CCDC171: variants seen among roughly 807,000 people sequenced by gnomAD.
CCDC171 encodes the protein coiled-coil domain-containing protein 171.
In CCDC171, 177 loss-of-function variants were observed where a neutral mutation model predicts 168.2. The observed-to-expected ratio is 1.05, with a 90% CI of 0.93 to 1.19. The LOEUF is 1.19. Among genes scored for constraint, CCDC171 ranks in the 50% most tolerant of loss-of-function variants. The pLI is 0.00. For synonymous variants in CCDC171, 687 were observed against 540.8 expected, an observed-to-expected ratio of 1.27 and a Z score of -3.75; for missense variants, 1,991 against 1,539.0, an observed-to-expected ratio of 1.29 and a Z score of -4.91.
chr9:16,093,582 A>G, the CCDC171 span, among the ~76,000 whole-genome samples: 1 of 152,248 alleles, frequency 6.6e-6, no homozygotes, highest in Middle Eastern at 3.2e-3. Flanking sequence ...TAATTTAAGA[A>G]GAAGTGCATT....
intron 10 of CCDC171, among the ~76,000 whole-genome samples, chr9:15,693,470 G>T (rs572997910): frequency 8.9e-6 from 1 of 112,914 alleles, no homozygotes; most frequent in African/African-American, 3.1e-5. Flanking sequence ...ACACTGGTGA[G>T]GACAAAAAAA....
At chr9:15,656,955 C>G (rs2047984896) in intron 7 of CCDC171, among the ~76,000 whole-genome samples, 172 bp from the exon 8 acceptor site, 1 of 151,760 alleles carries the variant, frequency 6.6e-6, no homozygotes, top group African/African-American at 2.4e-5. Flanking sequence ...AAAGCAGGCT[C>G]TGGAAGCATT....
At chr9:16,028,004 C>T (rs1833305874) in intron 6 of CCDC171, among the ~76,000 whole-genome samples, 1 of 152,096 alleles carries the variant, frequency 6.6e-6, no homozygotes, top group African/African-American at 2.4e-5. Context: ...GTATACTTAG[C>T]TTATCCCTTC....
chr9:16,065,361 G>A (rs1317413607), downstream of CCDC171, among the ~76,000 whole-genome samples: 1 of 152,056 alleles, frequency 6.6e-6, no homozygotes, highest in Non-Finnish European at 1.5e-5. Flanking sequence ...GGAAAAGCTT[G>A]TGGGCCAGCA....
chr9:15,572,794 T>C (rs1276946053), intron 3 of CCDC171, among the ~76,000 whole-genome samples: 1 of 152,198 alleles, frequency 6.6e-6, no homozygotes, highest in Non-Finnish European at 1.5e-5. Flanking sequence ...AAAACAGTGA[T>C]CACACTTTGT....
chr9:15,679,027 T>C, intron 10 of CCDC171, 131 bp downstream of exon 10: 1 of 625,368 alleles, frequency 1.6e-6, no homozygotes, highest in Non-Finnish European at 2.6e-6. Flanking sequence ...GATAACAAAA[T>C]TTCCAAAACT....
chr9:15,926,237 T>C (rs1396910076), intron 25 of CCDC171, among the ~76,000 whole-genome samples: 2 of 151,888 alleles, frequency 1.3e-5, no homozygotes, highest in Non-Finnish European at 1.5e-5. Context: ...ACTTGGGTCT[T>C]ATGGATAGTA....
chr9:15,581,511 C>T (rs1019993878), intron 4 of CCDC171, among the ~76,000 whole-genome samples: 55 of 152,116 alleles, frequency 3.6e-4, no homozygotes, highest in East Asian at 2.1e-3. Flanking sequence ...GGAGGTATCA[C>T]GCTACCTGAC....
intron 23 of CCDC171, among the ~76,000 whole-genome samples, chr9:15,872,012 C>T (rs931175679): frequency 1.3e-5 from 2 of 151,838 alleles, no homozygotes; most frequent in African/African-American, 4.8e-5. Flanking sequence ...TCAAAGTTCT[C>T]GTTTAATTTA....
chr9:15,946,182 G>A (rs1424473553), intron 25 of CCDC171, among the ~76,000 whole-genome samples: 3 of 151,868 alleles, frequency 2.0e-5, no homozygotes, highest in Admixed American at 6.6e-5. Context: ...TCAAAGATCA[G>A]ATAGTTGTAG....
chr9:16,051,940 A>G (rs1833757015), intron 1 of CCDC171, among the ~76,000 whole-genome samples: 1 of 152,218 alleles, frequency 6.6e-6, no homozygotes, highest in African/African-American at 2.4e-5. Context: ...ACACAGTGGC[A>G]GGCAAGAGAG....
intron 4 of CCDC171, among the ~76,000 whole-genome samples, chr9:15,583,305 C>G (rs141957214): frequency 0.013 from 1,996 of 150,670 alleles, 25 homozygotes; most frequent in Non-Finnish European, 0.02. Flanking sequence ...GTCCCAGCTA[C>G]TTGGGAGGCT....
chr9:15,971,879 T>G lies in CCDC171; in HGVS notation c.*43T>G. ...ATGGAGGAAGAGTTAACAGTACAAT[T>G]AAAATTGTTTTGAATGGGAATTTTC... On this transcript the variant is annotated 3_prime_UTR_variant, in exon 26 of 26. Coordinates refer to ENST00000380701, the MANE Select transcript of CCDC171 (RefSeq NM_173550.4). 6.7e-7 allele frequency: 1 copy of G among 1,497,428 alleles called. No individual in the cohort carries two copies. 92.8% of individuals were successfully genotyped at this position (1,497,428 alleles called of 1,614,324 possible). A position where few individuals can be genotyped will look rare whatever the true frequency, so the allele number is the denominator to read the frequency against.
intron 6 of CCDC171, among the ~76,000 whole-genome samples, chr9:15,596,097 C>T (rs1464426077): frequency 2.0e-5 from 3 of 152,128 alleles, no homozygotes; most frequent in African/African-American, 7.2e-5. Flanking sequence ...TGTAGGTTGC[C>T]TGTTCACTCT....
chr9:15,625,535 G>C (rs1044348499), intron 7 of CCDC171, among the ~76,000 whole-genome samples: 4 of 152,212 alleles, frequency 2.6e-5, no homozygotes, highest in Non-Finnish European at 5.9e-5. Flanking sequence ...TTCTACATAT[G>C]GCTAGCCAGT....
chr9:15,687,690 G>C (rs533203166), intron 10 of CCDC171, among the ~76,000 whole-genome samples: 1 of 152,242 alleles, frequency 6.6e-6, no homozygotes, highest in South Asian at 2.1e-4. Flanking sequence ...ATGAACGAAA[G>C]GGGGATATAA....
At chr9:15,720,744 G>T (rs933312674) in intron 11 of CCDC171, among the ~76,000 whole-genome samples, 1 of 152,090 alleles carries the variant, frequency 6.6e-6, no homozygotes, top group Admixed American at 6.5e-5. Context: ...CAATGTGCAG[G>T]TTTGTTCCGT....
intron 9 of CCDC171, among the ~76,000 whole-genome samples, chr9:15,678,210 C>T (rs1284040093): frequency 2.6e-5 from 4 of 151,626 alleles, no homozygotes; most frequent in Non-Finnish European, 5.9e-5. Context: ...TGCACCTGGC[C>T]TATCTGAGCA....
In CCDC171 at chr9:15,593,770, A is replaced by G. The variant is rs570142279; in HGVS notation, c.544-271A>G. ...ATCCCTATATAATAAACAGGTATAT[A>G]CAGCCTGTTGCTTATATATACATAT... On this transcript the variant is annotated intron_variant, in intron 5 of 25. Coordinates refer to ENST00000380701, the MANE Select transcript of CCDC171 (RefSeq NM_173550.4). Among the ~76,000 whole-genome samples, 4 of 152,132 alleles carry G rather than the reference A, an allele frequency of 2.6e-5. No individual in the cohort carries two copies. The South Asian group carries it at 8.3e-4, about 32-fold the overall frequency.
Sources: allele counts gnomAD v4.1 joint callset (sites outside exome capture counted in the v4.1 genomes callset), GRCh38; gene constraint gnomAD v4.1.1; transcripts MANE v1.5; gene names NCBI Gene and HGNC (gene_info 2026-07-23, HGNC 2026-07-21).